Variants in SLC35F1 observed in about 807,000 individuals in gnomAD.
SLC35F1 encodes solute carrier family 35 member F1.
A neutral mutation model predicts 48.7 loss-of-function variants in SLC35F1; 14 were observed. The ratio of observed to expected loss-of-function variants is 0.29; its 90% confidence interval spans 0.19 to 0.45. The LOEUF (loss-of-function observed/expected upper bound fraction) is 0.45. Among genes scored for constraint, SLC35F1 ranks in the 20% least tolerant of loss-of-function variants. SLC35F1 has a pLI of 1.00. For missense variants in SLC35F1, 404 were observed against 500.0 expected, an observed-to-expected ratio of 0.81 and a Z score of 1.83; for synonymous variants, 190 against 202.2, an observed-to-expected ratio of 0.94 and a Z score of 0.51.
At position 118,262,164 on chromosome 6, in the gene SLC35F1, A is replaced by T. The variant is rs1038356832; in HGVS notation, c.478-4831A>T. Among the ~76,000 whole-genome samples, 4 of 152,274 alleles carry T rather than the reference A, an allele frequency of 2.6e-5. No homozygotes were observed. In the South Asian group the frequency reaches 8.3e-4, roughly 32 times the overall value. On this transcript the variant is annotated intron_variant, in intron 3 of 7. Transcript: ENST00000360388. ...GACCGTGTTTGAGGGGGCTGCGCGC[A>T]TCATGATGAGCACACTTTCGGAAGT...
intron 1 of SLC35F1, among the ~76,000 whole-genome samples, chr6:118,037,005 G>A (rs755684235): frequency 6.6e-5 from 10 of 152,132 alleles, no homozygotes; most frequent in Admixed American, 1.3e-4. Flanking sequence ...TCAAACACAT[G>A]TCTCTACTCT....
chr6:118,001,481 T>C (rs1157412260), intron 1 of SLC35F1, among the ~76,000 whole-genome samples: 1 of 152,200 alleles, frequency 6.6e-6, no homozygotes, highest in Non-Finnish European at 1.5e-5. Flanking sequence ...ACGTCAGATC[T>C]AAAACCATAA....
rs760781859 is a variant in SLC35F1 at position 117,918,615 on chromosome 6, G to A, written c.173+10716G>A. Among the ~76,000 whole-genome samples the A allele has an allele frequency of 9.7e-4, 148 of 152,262 alleles. No individual in the cohort carries two copies. In the Middle Eastern group the frequency reaches 0.01, roughly 10 times the overall value. ...AAGTGGGAAACAGTCATTTCGAAGA[G>A]TAAGAAAGGAAATATACTAAAGAAG... is the stretch of plus-strand genomic sequence containing the variant. On this transcript the variant is annotated intron_variant, in intron 1 of 7. Transcript: ENST00000360388.
chr6:118,045,948 T>C (rs1562273413), intron 1 of SLC35F1, among the ~76,000 whole-genome samples: 1 of 136,610 alleles, frequency 7.3e-6, no homozygotes, highest in Non-Finnish European at 1.7e-5. Flanking sequence ...ATGAGGAAAG[T>C]AGGTGAACAG....
At position 117,948,526 on chromosome 6, in the gene SLC35F1, T is replaced by C. The variant is rs143234811; in HGVS notation, c.173+40627T>C. On this transcript the variant is annotated intron_variant, in intron 1 of 7. Transcript: ENST00000360388. Reference sequence around the variant, plus strand: ...GGTGGAGGGTCTAGACTTGTCATCATAGCCCTTATTCATTTATGTAGCAAA... The same window carrying C: ...GGTGGAGGGTCTAGACTTGTCATCACAGCCCTTATTCATTTATGTAGCAAA... Among the ~76,000 whole-genome samples the C allele has an allele frequency of 9.8e-5, 15 of 152,304 alleles. No homozygotes were observed. In the East Asian group the frequency reaches 2.3e-3, roughly 24 times the overall value.
At chr6:118,017,432 C>T (rs1582621222) in intron 1 of SLC35F1, among the ~76,000 whole-genome samples, 1 of 152,344 alleles carries the variant, frequency 6.6e-6, no homozygotes, top group African/African-American at 2.4e-5. Flanking sequence ...TGGCTGTTAG[C>T]AGCTAATGAA....
intron 1 of SLC35F1, among the ~76,000 whole-genome samples, chr6:118,079,124 A>G (rs1283137088): frequency 6.6e-6 from 1 of 152,194 alleles, no homozygotes; most frequent in African/African-American, 2.4e-5. Context: ...TTATGTAACT[A>G]TCACCACTGT....
intron 1 of SLC35F1, among the ~76,000 whole-genome samples, chr6:118,129,237 T>A (rs1773674418): frequency 6.6e-6 from 1 of 152,146 alleles, no homozygotes; most frequent in Admixed American, 6.6e-5. Context: ...TAGTAGAGAA[T>A]AATGATAATA....
intron 1 of SLC35F1, among the ~76,000 whole-genome samples, chr6:118,032,492 A>G (rs1329082665): frequency 6.6e-6 from 1 of 152,218 alleles, no homozygotes; most frequent in Non-Finnish European, 1.5e-5. Context: ...GCCTTGAGAG[A>G]AAACATCTCC....
At chr6:117,923,710 C>CACATGTACATATATGT (rs1562238876) in intron 1 of SLC35F1, among the ~76,000 whole-genome samples, 1 of 22,562 alleles carries the variant, frequency 4.4e-5, no homozygotes, top group Non-Finnish European at 7.4e-5. Flanking sequence ...CATATATGTA[C>CACATGTACATATATGT]ATATATACAT....
chr6:118,100,880 A>T (rs1387207135), intron 1 of SLC35F1, among the ~76,000 whole-genome samples: 1 of 152,086 alleles, frequency 6.6e-6, no homozygotes, highest in Non-Finnish European at 1.5e-5. Flanking sequence ...ATCTTGAGTC[A>T]CCTCATTAGC....
At chr6:118,027,968 T>C (rs1369729647) in intron 1 of SLC35F1, among the ~76,000 whole-genome samples, 1 of 152,138 alleles carries the variant, frequency 6.6e-6, no homozygotes, top group East Asian at 1.9e-4. Flanking sequence ...CTCCTTTTTC[T>C]TCTAGAAGCT....
intron 1 of SLC35F1, among the ~76,000 whole-genome samples, chr6:118,039,334 C>T (rs1447731615): frequency 3.3e-5 from 5 of 151,896 alleles, no homozygotes; most frequent in Non-Finnish European, 5.9e-5. Context: ...AGAATGGTTA[C>T]CTTTTAATTA....
intron 1 of SLC35F1, among the ~76,000 whole-genome samples, chr6:118,025,337 T>G (rs1215470974): frequency 6.6e-6 from 1 of 152,234 alleles, no homozygotes; most frequent in Non-Finnish European, 1.5e-5. Context: ...AGACTGAGTT[T>G]ATGTGTTTTG....
chr6:118,229,720 A>G (rs1367938112), intron 2 of SLC35F1, among the ~76,000 whole-genome samples: 1 of 152,164 alleles, frequency 6.6e-6, no homozygotes, highest in African/African-American at 2.4e-5. Context: ...CATCTAATAT[A>G]TATAGGGTTT....
intron 1 of SLC35F1, among the ~76,000 whole-genome samples, chr6:117,975,035 C>G (rs1776688510): frequency 6.6e-6 from 1 of 152,172 alleles, no homozygotes; most frequent in Admixed American, 6.5e-5. Flanking sequence ...TTAGGGATTT[C>G]CCACACCACA....
chr6:118,053,664 A>G (rs1231765172), intron 1 of SLC35F1, among the ~76,000 whole-genome samples: 1 of 152,124 alleles, frequency 6.6e-6, no homozygotes, highest in East Asian at 1.9e-4. Context: ...GATAGTGTTC[A>G]TATTTGTAAT....
At chr6:118,106,930 A>G (rs919265160) in intron 1 of SLC35F1, among the ~76,000 whole-genome samples, 1 of 152,114 alleles carries the variant, frequency 6.6e-6, no homozygotes, top group African/African-American at 2.4e-5. Flanking sequence ...TCACCTCCTC[A>G]CAGAAGGCTT....
intron 1 of SLC35F1, among the ~76,000 whole-genome samples, chr6:118,031,700 G>A (rs1295789019): frequency 1.3e-5 from 2 of 152,164 alleles, no homozygotes; most frequent in Non-Finnish European, 2.9e-5. Context: ...AACCCCATAG[G>A]GAGTGTGCTG....
Sources: allele counts gnomAD v4.1 joint callset (sites outside exome capture counted in the v4.1 genomes callset), GRCh38; gene constraint gnomAD v4.1.1; transcripts MANE v1.5; gene names NCBI Gene and HGNC (gene_info 2026-07-23, HGNC 2026-07-21).